The following POU6F2 variants were observed in gnomAD, a reference collection of about 807,000 sequenced individuals.
POU6F2 encodes the protein POU domain, class 6, transcription factor 2.
A neutral mutation model predicts 71.3 loss-of-function variants in POU6F2; 31 were observed. That is an observed-to-expected ratio of 0.43 (90% CI 0.33 to 0.59). The LOEUF is 0.59. POU6F2 is among the 20% of genes least tolerant of loss of function. The pLI, the probability that POU6F2 is intolerant of heterozygous loss-of-function variation, is 0.04. For missense variants in POU6F2, 783 were observed against 856.8 expected, an observed-to-expected ratio of 0.91 and a Z score of 1.07; for synonymous variants, 347 against 355.7, an observed-to-expected ratio of 0.98 and a Z score of 0.27.
intron 5 of POU6F2, among the ~76,000 whole-genome samples, chr7:39,340,278 C>T (rs529340263): frequency 1.3e-5 from 2 of 152,320 alleles, no homozygotes; most frequent in African/African-American, 4.8e-5. Context: ...GAGGCCAGCA[C>T]TATAAGTGCA....
At chr7:39,399,876 G>C (rs73695751) in intron 5 of POU6F2, among the ~76,000 whole-genome samples, 2 of 44,732 alleles carry the variant, frequency 4.5e-5, no homozygotes, top group African/African-American at 2.2e-4. Flanking sequence ...AAAAAAGAAA[G>C]AAAGAAAGAA....
At chr7:39,158,280 T>A (rs1052831913) in intron 2 of POU6F2, among the ~76,000 whole-genome samples, 2 of 152,178 alleles carry the variant, frequency 1.3e-5, no homozygotes, top group African/African-American at 4.8e-5. Flanking sequence ...ATATTCTAAT[T>A]GGCAGGATTG....
chr7:39,022,726 C>G (rs1342920218), intron 1 of POU6F2, among the ~76,000 whole-genome samples: 1 of 151,672 alleles, frequency 6.6e-6, no homozygotes, highest in Non-Finnish European at 1.5e-5. Context: ...TTCTTTTTTG[C>G]TGGAGAGATA....
intron 5 of POU6F2, among the ~76,000 whole-genome samples, chr7:39,403,893 AC>A (rs1348646290): frequency 6.6e-6 from 1 of 152,188 alleles, no homozygotes; most frequent in Non-Finnish European, 1.5e-5. Context: ...ATTGGCTTGC[AC>A]CCACTGTCTG....
chr7:39,218,039 C>T (rs891587372), intron 4 of POU6F2, among the ~76,000 whole-genome samples: 3 of 152,148 alleles, frequency 2.0e-5, no homozygotes, highest in South Asian at 2.1e-4. Flanking sequence ...TAATGTGATC[C>T]CCAGTTTGCA....
intron 5 of POU6F2, among the ~76,000 whole-genome samples, chr7:39,355,130 C>T (rs1004171387): frequency 6.6e-6 from 1 of 152,206 alleles, no homozygotes; most frequent in African/African-American, 2.4e-5. Flanking sequence ...CCCTGGCACT[C>T]AAGAGGCTGT....
chr7:39,450,322 T>C (rs747024771), intron 7 of POU6F2, among the ~76,000 whole-genome samples: 2 of 152,194 alleles, frequency 1.3e-5, no homozygotes, highest in Non-Finnish European at 2.9e-5. Flanking sequence ...AAAGCCTTGC[T>C]ACACCTCTGT....
intron 4 of POU6F2, among the ~76,000 whole-genome samples, chr7:39,251,872 T>G (rs1783925430): frequency 6.6e-6 from 1 of 152,140 alleles, no homozygotes. Flanking sequence ...TTCCCTCCTT[T>G]GACCACCCTT....
chr7:39,288,464 A>G (rs1337504894), intron 4 of POU6F2, among the ~76,000 whole-genome samples: 1 of 152,190 alleles, frequency 6.6e-6, no homozygotes, highest in Non-Finnish European at 1.5e-5. Flanking sequence ...AGCAAACACT[A>G]GTTCCTTTCT....
At chr7:39,129,734 G>A (rs1792219942) in intron 2 of POU6F2, among the ~76,000 whole-genome samples, 1 of 152,052 alleles carries the variant, frequency 6.6e-6, no homozygotes. Context: ...CTAGGCAACA[G>A]TTCAAACTTC....
At chr7:39,443,267 C>A (rs1405472064) in intron 7 of POU6F2, among the ~76,000 whole-genome samples, 2 of 152,194 alleles carry the variant, frequency 1.3e-5, no homozygotes, top group African/African-American at 4.8e-5. Flanking sequence ...ACAAAGTACA[C>A]CCCAATCAAC....
At chr7:38,988,147 T>C (rs1788507817) in intron 1 of POU6F2, among the ~76,000 whole-genome samples, 1 of 152,106 alleles carries the variant, frequency 6.6e-6, no homozygotes, top group African/African-American at 2.4e-5. Flanking sequence ...AGGTTATGTG[T>C]CTTATTTGTA....
Position 39,361,416 on chromosome 7 carries a change from C to G in POU6F2, c.972+21401C>G, listed in dbSNP as rs572822304. Among the ~76,000 whole-genome samples, 146 of 152,280 alleles carry G rather than the reference C, an allele frequency of 9.6e-4. 1 individual carries two copies. Among genetic ancestry groups the G allele is most frequent in the African/African-American group, 3.3e-3 (138 of 41,560 alleles). ...CACTAGAAGATTCACTTTTCAGTTT[C>G]TAAATTAGAATCCGTCAGTTTGACT... is the stretch of plus-strand genomic sequence containing the variant. On this transcript the variant is annotated intron_variant, in intron 5 of 9. Coordinates refer to ENST00000518318, the MANE Select transcript of POU6F2 (RefSeq NM_001370959.1).
chr7:39,346,695 C>T (rs1786039473), intron 5 of POU6F2, among the ~76,000 whole-genome samples: 1 of 152,228 alleles, frequency 6.6e-6, no homozygotes, highest in Non-Finnish European at 1.5e-5. Context: ...CCGGCTGGCA[C>T]TTTGCTCTGA....
At chr7:39,232,488 G>A (rs1794595240) in intron 4 of POU6F2, among the ~76,000 whole-genome samples, 1 of 152,154 alleles carries the variant, frequency 6.6e-6, no homozygotes, top group South Asian at 2.1e-4. Flanking sequence ...TATCACTCAT[G>A]GTCACTAGGT....
chr7:39,209,508 C>G (rs1466614589), intron 4 of POU6F2, among the ~76,000 whole-genome samples: 1 of 152,214 alleles, frequency 6.6e-6, no homozygotes, highest in South Asian at 2.1e-4. Flanking sequence ...TAAATCACCT[C>G]CCAGTTGCAA....
intron 7 of POU6F2, among the ~76,000 whole-genome samples, chr7:39,437,703 T>C (rs184190747): frequency 2.0e-5 from 3 of 152,284 alleles, no homozygotes; most frequent in Admixed American, 6.5e-5. Flanking sequence ...TAGTTCTTAA[T>C]TGTGATGTTA....
intron 4 of POU6F2, among the ~76,000 whole-genome samples, chr7:39,231,488 TA>T (rs376918406): frequency 6.0e-4 from 91 of 152,210 alleles, no homozygotes; most frequent in Non-Finnish European, 9.8e-4. Context: ...TATATATGAT[TA>T]AAAAATTGCT....
chr7:39,232,969 G>A (rs1794602558), intron 4 of POU6F2, among the ~76,000 whole-genome samples: 1 of 152,112 alleles, frequency 6.6e-6, no homozygotes, highest in Non-Finnish European at 1.5e-5. Context: ...TGGTTTTTAA[G>A]CTTTTAAGCT....
Sources: allele counts gnomAD v4.1 joint callset (sites outside exome capture counted in the v4.1 genomes callset), GRCh38; gene constraint gnomAD v4.1.1; transcripts MANE v1.5; gene names NCBI Gene and HGNC (gene_info 2026-07-23, HGNC 2026-07-21).